PIK3C2A: variants seen among roughly 807,000 people sequenced by gnomAD.
PIK3C2A encodes phosphatidylinositol-4-phosphate 3-kinase catalytic subunit type 2 alpha.
Under a neutral mutation model 204.5 loss-of-function variants are expected in PIK3C2A, and 97 were observed. The ratio of observed to expected loss-of-function variants is 0.47; its 90% CI spans 0.40 to 0.56. PIK3C2A has a LOEUF of 0.56. PIK3C2A is among the 20% of genes least tolerant of loss of function. PIK3C2A has a pLI of 0.00. For synonymous variants in PIK3C2A, 653 were observed against 664.4 expected (o/e 0.98, Z 0.26); for missense variants, 1,735 against 1,969.2 (o/e 0.88, Z 2.25).
At chr11:17,179,114 C>G (rs1851444899) in intron 1 of PIK3C2A, among the ~76,000 whole-genome samples, 1 of 152,160 alleles carries the variant, frequency 6.6e-6, no homozygotes, top group Admixed American at 6.5e-5. Context: ...ATCCGCCCAT[C>G]TCAGCCTCCC....
intron 28 of PIK3C2A, among the ~76,000 whole-genome samples, chr11:17,093,402 G>GACT (rs1215258885): frequency 6.6e-6 from 1 of 152,176 alleles, no homozygotes; most frequent in Non-Finnish European, 1.5e-5. Flanking sequence ...AAGTAGCTGG[G>GACT]ACTACAGGCG....
At chr11:17,185,827 T>C (rs74565494) in intron 1 of PIK3C2A, among the ~76,000 whole-genome samples, 102 of 152,248 alleles carry the variant, frequency 6.7e-4, no homozygotes, top group African/African-American at 2.3e-3. Flanking sequence ...TGAAATAGCC[T>C]TCCCCAAACT....
At chr11:17,110,248 C>T (rs758899984) in intron 22 of PIK3C2A, among the ~76,000 whole-genome samples, 184 bp downstream of exon 22, 8 of 152,018 alleles carry the variant, frequency 5.3e-5, no homozygotes, top group Non-Finnish European at 1.0e-4. Flanking sequence ...CCACTATGCC[C>T]GGCCACTAAG....
intron 23 of PIK3C2A, among the ~76,000 whole-genome samples, chr11:17,103,189 A>G (rs1037580211): frequency 8.3e-5 from 8 of 96,778 alleles, no homozygotes; most frequent in Admixed American, 4.9e-4. Flanking sequence ...GGATTCCACA[A>G]ACATGATGGA....
At chr11:17,139,694 C>T (rs920669728) in intron 8 of PIK3C2A, among the ~76,000 whole-genome samples, 48 of 152,230 alleles carry the variant, frequency 3.2e-4, no homozygotes, top group Admixed American at 2.2e-3. Context: ...GTTACATAAA[C>T]GTCCATGTGG....
chr11:17,101,882 C>A (rs899848046), intron 24 of PIK3C2A, among the ~76,000 whole-genome samples: 52 of 151,796 alleles, frequency 3.4e-4, no homozygotes, highest in Non-Finnish European at 7.5e-4. Context: ...GGATTACAGG[C>A]GTGAGCCACT....
rs148115451 is a variant in PIK3C2A, at chr11:17,154,084, C to CGT, written c.1169+1440_1169+1441dup. Among the ~76,000 whole-genome samples the CGT allele has an allele frequency of 3.0e-3, 446 of 150,966 alleles. 1 individual carries two copies. Among genetic ancestry groups the CGT allele is most frequent in the Middle Eastern group, 0.014 (4 of 292 alleles). On this transcript the variant is annotated intron_variant, in intron 3 of 32. Coordinates refer to ENST00000691414, the MANE Select transcript of PIK3C2A (RefSeq NM_002645.4). Reference sequence around the variant, plus strand: ...GTTTCGTATCACATTTAAGTGTGTGCGTGTGTGTGTGTGTGTAAACAAAAA... The same window carrying CGT: ...GTTTCGTATCACATTTAAGTGTGTGCGTGTGTGTGTGTGTGTGTAAACAAAAA...
At chr11:17,207,565 T>C (rs1440368172) in intron 1 of PIK3C2A, among the ~76,000 whole-genome samples, 1 of 152,080 alleles carries the variant, frequency 6.6e-6, no homozygotes, top group Non-Finnish European at 1.5e-5. Context: ...ACTAACTCCC[T>C]GGCGCACCTC....
intron 27 of PIK3C2A, among the ~76,000 whole-genome samples, chr11:17,095,411 TAAA>T (rs1225897360): frequency 1.8e-5 from 2 of 110,160 alleles, no homozygotes; most frequent in Non-Finnish European, 1.8e-5. Flanking sequence ...CTGTCTCTAC[TAAA>T]AAAAAAAAAA....
At position 17,131,958 on chromosome 11, in the gene PIK3C2A, C is replaced by T. The variant is rs752719935; in HGVS notation, c.2189G>A (p.Gly730Asp). 47 of 1,593,952 alleles carry T rather than the reference C, an allele frequency of 2.9e-5. 1 individual carries two copies. The South Asian group carries it at 5.2e-4, about 18-fold the overall frequency. The change falls in exon 12 of 33, where the codon GGC (glycine) becomes GAC (aspartate). Residue 730 changes from glycine (G) to aspartate (D), a missense_variant. Gly to Asp is a moderately conservative substitution (Grantham distance 94, BLOSUM62 -1). This residue lies in a region of PIK3C2A where 567 missense variants were observed against 576.0 expected (regional missense o/e 0.98). Coordinates refer to ENST00000691414, the MANE Select transcript of PIK3C2A (RefSeq NM_002645.4). ...LFKPIQSKKV[G>D]TYKNFFYLIK... ...AAGATAGAAGAAATTCTTGTAAGTG[C>T]CAACCTTCTTTGATTGAATAGGTTT... is the stretch of plus-strand genomic sequence containing the variant.
intron 13 of PIK3C2A, among the ~76,000 whole-genome samples, chr11:17,128,798 T>C (rs1161956392): frequency 2.6e-5 from 4 of 152,106 alleles, no homozygotes; most frequent in African/African-American, 7.2e-5. Flanking sequence ...GAATCCCTAA[T>C]AGGGTTTTGC....
rs144848981 is a variant in PIK3C2A at position 17,118,428 on chromosome 11, T to C, written c.3035+217A>G. Among the ~76,000 whole-genome samples, 475 of 152,294 alleles carry C rather than the reference T, an allele frequency of 3.1e-3. 2 individuals are homozygous for C. The highest frequency in any genetic ancestry group is 0.01 in the African/African-American group (430 of 41,528). On this transcript the variant is annotated intron_variant, in intron 18 of 32. Transcript: ENST00000691414. ...AGCTATATAAGCAAGTCGAAACCCA[T>C]TCATTATTACAGAGCTATAAGACAC...
rs1212715282 is a variant in PIK3C2A at position 17,088,256 on chromosome 11, CTTTTTTTTT to C, written c.*1473_*1481del. On this transcript the variant is annotated 3_prime_UTR_variant, in exon 33 of 33. Transcript: ENST00000691414. Reference sequence around the variant, plus strand: ...TAAAAATGAATCTTACTCTTTTTTTCTTTTTTTTTAAGATGGAGTTTTGCTCTTGTCACC... The same window carrying C: ...TAAAAATGAATCTTACTCTTTTTTTCAAGATGGAGTTTTGCTCTTGTCACC... The C allele has an allele frequency of 6.6e-6, 1 of 150,752 alleles. No individual in the cohort carries two copies. Among genetic ancestry groups the C allele is most frequent in the African/African-American group, 2.4e-5 (1 of 41,046 alleles). 9.3% of individuals were successfully genotyped at this position (150,752 alleles called of 1,614,324 possible). A position where few individuals can be genotyped will look rare whatever the true frequency, so the allele number is the denominator to read the frequency against.
At chr11:17,138,938 G>A (rs1448295878) in intron 8 of PIK3C2A, among the ~76,000 whole-genome samples, 4 of 151,078 alleles carry the variant, frequency 2.6e-5, no homozygotes, top group South Asian at 2.1e-4. Flanking sequence ...ACGAAATCTC[G>A]CTTTTGTCCC....
chr11:17,159,161 A>C (rs1208199342), intron 2 of PIK3C2A, among the ~76,000 whole-genome samples: 2 of 152,164 alleles, frequency 1.3e-5, no homozygotes, highest in African/African-American at 2.4e-5. Context: ...TCTTGCACAG[A>C]CTTTTCTTCT....
rs12273822 is a variant in PIK3C2A at position 17,190,084 on chromosome 11, G to A, written c.-66+17764C>T. The stretch of plus-strand genomic sequence containing the variant: ...GTTCAAGATCAGCCTGCAACATGGC[G>A]AAACCCCATCTCTACTAAAAATACA... On this transcript the variant is annotated intron_variant, in intron 1 of 32. Coordinates refer to ENST00000691414, the MANE Select transcript of PIK3C2A (RefSeq NM_002645.4). Among the ~76,000 whole-genome samples, 1,081 of 152,026 alleles carry A rather than the reference G, an allele frequency of 7.1e-3. 22 individuals carry two copies. The highest frequency in any genetic ancestry group is 0.025 in the African/African-American group (1,029 of 41,476).
Position 17,099,900 on chromosome 11 carries a change from G to A in PIK3C2A, c.4078C>T (p.Pro1360Ser), listed in dbSNP as rs1269786150. Residue 1360 changes from proline to serine, a missense_variant, in exon 26 of 33, where the codon CCC becomes TCC. Physicochemically the swap from Pro to Ser is moderately conservative, Grantham distance 74. This residue lies in a region of PIK3C2A where 503 missense variants were observed against 669.0 expected (regional missense o/e 0.75). Coordinates refer to ENST00000691414, the MANE Select transcript of PIK3C2A (RefSeq NM_002645.4). ...DLKYVRDALQ[P>S]QTTDAEATIF... ...GTAGCTTCTGCGTCTGTAGTTTGGGGTTGAAGTGCATCTCTAACGTATTTC... is the reference window on the plus strand; with the variant it reads ...GTAGCTTCTGCGTCTGTAGTTTGGGATTGAAGTGCATCTCTAACGTATTTC... 1.3e-6 allele frequency: 2 copies of A among 1,590,416 alleles called. No homozygotes were observed. The highest frequency in any genetic ancestry group is 1.7e-6 in the Non-Finnish European group (2 of 1,158,922).
In PIK3C2A at chr11:17,101,607, C is replaced by CT. The variant is rs768044410; in HGVS notation, c.3852-174dup. Among the ~76,000 whole-genome samples, 1,206 of 140,462 alleles carry CT rather than the reference C, an allele frequency of 8.6e-3. 12 individuals are homozygous for CT. The highest frequency in any genetic ancestry group is 0.024 in the African/African-American group (915 of 38,416). The allele number at this position is 140,462 out of a possible 152,430, so 92.1% of individuals were successfully genotyped here. On this transcript the variant is annotated intron_variant, in intron 24 of 32. Transcript: ENST00000691414. ...TAAAATAACATTTTTCTTTTTTTTT[C>CT]TTTTTTTTTTTTTTGAGACAGAGTC... is the stretch of plus-strand genomic sequence containing the variant.
chr11:17,147,686 G>A, intron 5 of PIK3C2A, 58 bp from the exon 6 acceptor site: 1 of 925,868 alleles, frequency 1.1e-6, no homozygotes, highest in Non-Finnish European at 1.7e-6. Flanking sequence ...ATAAAGGTGA[G>A]GGTAAAATTT....
Sources: allele counts gnomAD v4.1 joint callset (sites outside exome capture counted in the v4.1 genomes callset), GRCh38; gene constraint gnomAD v4.1.1; regional missense constraint gnomAD v4.1.1; transcripts MANE v1.5; gene names NCBI Gene and HGNC (gene_info 2026-07-23, HGNC 2026-07-21).